The following BAZ2B variants were observed in gnomAD, a reference collection of about 807,000 sequenced individuals.
BAZ2B encodes bromodomain adjacent to zinc finger domain 2B, also known as bromodomain adjacent to zinc finger domain protein 2B.
Under a neutral mutation model 246.0 loss-of-function variants are expected in BAZ2B, and 91 were observed. That is an observed-to-expected ratio of 0.37 (90% CI 0.31 to 0.44). The LOEUF (loss-of-function observed/expected upper bound fraction) is 0.44. Among genes scored for constraint, BAZ2B ranks in the 20% least tolerant of loss-of-function variants. The pLI is 1.00. For missense variants in BAZ2B, 2,332 were observed against 2,533.7 expected (o/e 0.92, Z 1.71); for synonymous variants, 855 against 860.0 (o/e 0.99, Z 0.10).
At chr2:159,627,706 A>C in the BAZ2B span, among the ~76,000 whole-genome samples, 1 of 152,174 alleles carries the variant, frequency 6.6e-6, no homozygotes, top group Non-Finnish European at 1.5e-5. Flanking sequence ...ACCCACAATA[A>C]ATATCATACT....
At chr2:159,329,317 T>C (rs749453702) in intron 34 of BAZ2B, among the ~76,000 whole-genome samples, 7 of 152,192 alleles carry the variant, frequency 4.6e-5, no homozygotes, top group Non-Finnish European at 8.8e-5. Flanking sequence ...ACTTAAAGTA[T>C]ACAGGAGGAT....
At position 159,406,637 on chromosome 2, in the gene BAZ2B, G is replaced by A. The variant is rs1312496315; in HGVS notation, c.2678-1523C>T. ...TTAAATTTTGTAGCCACTGAACAAAGAAACCTAAATTATGTTCATTGACAA... is the reference window on the plus strand; with the variant it reads ...TTAAATTTTGTAGCCACTGAACAAAAAAACCTAAATTATGTTCATTGACAA... On this transcript the variant is annotated intron_variant, in intron 14 of 36. Coordinates refer to ENST00000392783, the MANE Select transcript of BAZ2B (RefSeq NM_013450.4). Among the ~76,000 whole-genome samples the A allele has an allele frequency of 2.0e-5, 3 of 152,168 alleles. No homozygotes were observed. In the South Asian group the frequency reaches 6.2e-4, roughly 31 times the overall value.
In BAZ2B at chr2:159,337,656, G is replaced by T; in HGVS notation, c.5571C>A (p.Ser1857Arg). Reference sequence around the variant, plus strand: ...TCTTCCGTTCTAGTGCATGTGCACTGCTTTCGTCTTCGCCAGTAAATTCTC... The same window carrying T: ...TCTTCCGTTCTAGTGCATGTGCACTTCTTTCGTCTTCGCCAGTAAATTCTC... ...HDGEFTGEDE[S>R]SAHALERKSD... The change falls in exon 32 of 37, where the codon AGC becomes AGA. Residue 1857 changes from serine to arginine, a missense_variant. Coordinates refer to ENST00000392783, the MANE Select transcript of BAZ2B (RefSeq NM_013450.4). The T allele has an allele frequency of 6.2e-7, 1 of 1,614,180 alleles. No homozygotes were observed. The highest frequency in any genetic ancestry group is 8.5e-7 in the Non-Finnish European group (1 of 1,180,026).
At chr2:159,436,715 C>T (rs983755402) in intron 8 of BAZ2B, among the ~76,000 whole-genome samples, 6 of 152,104 alleles carry the variant, frequency 3.9e-5, no homozygotes, top group African/African-American at 1.2e-4. Flanking sequence ...CTTGCCACTG[C>T]ACTCCAGCCT....
Position 159,446,966 on chromosome 2 carries a change from C to T in BAZ2B, c.512G>A (p.Gly171Glu), listed in dbSNP as rs1355864287. ...NRNGPEKGVN[G>E]SINGSNTSSV... is the part of the protein sequence containing the mutation. The stretch of plus-strand genomic sequence containing the variant: ...TGATGTATTACTTCCATTTATTGAC[C>T]CATTTACACCTTGAAAATAAAAATA... Residue 171 changes from glycine (G) to glutamate (E), a missense_variant, in exon 6 of 37, where the codon GGG becomes GAG. Coordinates refer to ENST00000392783, the MANE Select transcript of BAZ2B (RefSeq NM_013450.4). 3 of 1,548,822 alleles carry T rather than the reference C, an allele frequency of 1.9e-6. No individual in the cohort carries two copies. Among genetic ancestry groups the T allele is most frequent in the Admixed American group, 2.2e-5 (1 of 45,798 alleles).
At chr2:159,485,666 T>G (rs955646702) in intron 2 of BAZ2B, among the ~76,000 whole-genome samples, 1 of 152,030 alleles carries the variant, frequency 6.6e-6, no homozygotes, top group Non-Finnish European at 1.5e-5. Context: ...CAAGTTTCTA[T>G]CAGAGTTTTA....
the BAZ2B span, chr2:159,689,641 G>A: frequency 3.6e-6 from 1 of 276,262 alleles, no homozygotes; most frequent in Non-Finnish European, 6.8e-6. Flanking sequence ...CAAAGTGCTG[G>A]GATTAGAGGC....
At chr2:159,338,070 T>C (rs377043476) in intron 31 of BAZ2B, among the ~76,000 whole-genome samples, 2 of 152,242 alleles carry the variant, frequency 1.3e-5, no homozygotes, top group Non-Finnish European at 2.9e-5. Flanking sequence ...TTTCATGGGA[T>C]CACTTAAATG....
chr2:159,563,834 T>C (rs942747889), intron 1 of BAZ2B, among the ~76,000 whole-genome samples: 2 of 152,224 alleles, frequency 1.3e-5, no homozygotes, highest in Non-Finnish European at 2.9e-5. Context: ...TTTACCACAA[T>C]AAAATCACAA....
At chr2:159,707,241 C>T in the BAZ2B span, among the ~76,000 whole-genome samples, 3 of 152,074 alleles carry the variant, frequency 2.0e-5, no homozygotes, top group Admixed American at 1.3e-4. Flanking sequence ...TTTTCCAACT[C>T]CTAGTTTTAT....
At chr2:159,531,634 C>T (rs564332392) in intron 2 of BAZ2B, among the ~76,000 whole-genome samples, 4 of 152,220 alleles carry the variant, frequency 2.6e-5, no homozygotes, top group South Asian at 2.1e-4. Flanking sequence ...CATCTATGTG[C>T]TCCAAAGCTG....
At chr2:159,512,899 A>G (rs1216164490) in intron 2 of BAZ2B, among the ~76,000 whole-genome samples, 1 of 152,206 alleles carries the variant, frequency 6.6e-6, no homozygotes, top group Non-Finnish European at 1.5e-5. Flanking sequence ...CTACAGAATG[A>G]TAACTAACAT....
chr2:159,336,351 G>A (rs1037507124), intron 33 of BAZ2B, among the ~76,000 whole-genome samples: 1 of 152,160 alleles, frequency 6.6e-6, no homozygotes, highest in African/African-American at 2.4e-5. Context: ...ACAAAATAGA[G>A]ATTTTTGTGA....
At chr2:159,569,070 C>T (rs1170869331) in intron 1 of BAZ2B, among the ~76,000 whole-genome samples, 1 of 152,058 alleles carries the variant, frequency 6.6e-6, no homozygotes, top group East Asian at 1.9e-4. Flanking sequence ...TGATCCATTC[C>T]ATAACAAATT....
At chr2:159,335,755 A>G (rs2065560889) in intron 33 of BAZ2B, among the ~76,000 whole-genome samples, 1 of 152,220 alleles carries the variant, frequency 6.6e-6, no homozygotes, top group South Asian at 2.1e-4. Context: ...AAGTTATTTA[A>G]GAATCAATTC....
At chr2:159,687,634 G>A in the BAZ2B span, among the ~76,000 whole-genome samples, 5 of 152,128 alleles carry the variant, frequency 3.3e-5, no homozygotes, top group Admixed American at 6.6e-5. Flanking sequence ...ATCTATTTGC[G>A]CATTTGTATC....
In BAZ2B at chr2:159,382,484, T is replaced by C. The variant is rs897330738; in HGVS notation, c.4005+75A>G. 11 of 1,433,980 alleles carry C rather than the reference T, an allele frequency of 7.7e-6. 1 individual carries two copies. The highest frequency in any genetic ancestry group is 3.7e-4 in the Middle Eastern group (2 of 5,340). 88.8% of individuals were successfully genotyped at this position (1,433,980 alleles called of 1,614,324 possible). A position where few individuals can be genotyped will look rare whatever the true frequency, so the allele number is the denominator to read the frequency against. ...AAAACTGAATTCAAATCCGAATCCA[T>C]CTGACTCCAAATTCTGTTTTTAAAA... On this transcript the variant is annotated intron_variant, in intron 25 of 36. Coordinates refer to ENST00000392783, the MANE Select transcript of BAZ2B (RefSeq NM_013450.4).
intron 2 of BAZ2B, among the ~76,000 whole-genome samples, chr2:159,523,752 C>T (rs2084407160): frequency 6.6e-6 from 1 of 152,066 alleles, no homozygotes; most frequent in Admixed American, 6.6e-5. Flanking sequence ...ACTAGACTTA[C>T]TCAGAATATT....
rs745747444 is a variant in BAZ2B, at chr2:159,337,653, A to G, written c.5574T>C (p.Ser1858=). 6.8e-6 allele frequency: 11 copies of G among 1,614,092 alleles called. No individual in the cohort carries two copies. The highest frequency in any genetic ancestry group is 1.6e-4 in the Middle Eastern group (1 of 6,084). Reference sequence around the variant, plus strand: ...CACTCTTCCGTTCTAGTGCATGTGCACTGCTTTCGTCTTCGCCAGTAAATT... The same window carrying G: ...CACTCTTCCGTTCTAGTGCATGTGCGCTGCTTTCGTCTTCGCCAGTAAATT... ...DGEFTGEDES[S]AHALERKSDN... is the part of the protein sequence containing the mutation. Residue 1858 remains serine (S), a synonymous_variant, in exon 32 of 37, where the codon AGT becomes AGC. Transcript: ENST00000392783.
Sources: gnomAD v4.1 joint callset for allele counts (sites outside exome capture counted in the v4.1 genomes callset) on GRCh38, gnomAD v4.1.1 for gene constraint, MANE v1.5 for transcripts, NCBI Gene and HGNC (gene_info 2026-07-23, HGNC 2026-07-21) for gene names.